Variants in DOCK1 observed in about 807,000 individuals in gnomAD.
DOCK1 encodes dedicator of cytokinesis protein 1.
A neutral mutation model predicts 262.7 loss-of-function variants in DOCK1; 138 were observed. The ratio of observed to expected loss-of-function variants is 0.53; its 90% CI spans 0.46 to 0.61. The LOEUF (loss-of-function observed/expected upper bound fraction) is 0.61, where lower values mean the gene tolerates loss of function less well. Among genes scored for constraint, DOCK1 ranks in the 20% least tolerant of loss-of-function variants. The pLI is 0.00. For synonymous variants in DOCK1, 866 were observed against 867.4 expected, an observed-to-expected ratio of 1.00 and a Z score of 0.03; for missense variants, 1,908 against 2,370.7, an observed-to-expected ratio of 0.80 and a Z score of 4.05.
intron 27 of DOCK1, among the ~76,000 whole-genome samples, chr10:127,208,054 A>G (rs1047692644): frequency 5.9e-5 from 9 of 152,230 alleles, no homozygotes; most frequent in Non-Finnish European, 1.3e-4. Flanking sequence ...AGAGCAGTAT[A>G]TCCTATCAAG....
chr10:127,201,252 T>G (rs1445943326), intron 27 of DOCK1, among the ~76,000 whole-genome samples: 1 of 152,192 alleles, frequency 6.6e-6, no homozygotes, highest in Non-Finnish European at 1.5e-5. Flanking sequence ...ACTCTCCTCT[T>G]TCTGGGCTTA....
At chr10:126,976,191 G>A (rs1438124485) in intron 2 of DOCK1, among the ~76,000 whole-genome samples, 2 of 152,106 alleles carry the variant, frequency 1.3e-5, no homozygotes, top group Admixed American at 6.6e-5. Context: ...ATAGATGGGC[G>A]CTGATACTGG....
At chr10:127,312,696 A>C (rs534497702) in intron 29 of DOCK1, among the ~76,000 whole-genome samples, 1 of 151,538 alleles carries the variant, frequency 6.6e-6, no homozygotes, top group African/African-American at 2.4e-5. Flanking sequence ...TCCCTCCTCT[A>C]TTTACCAAAA....
At chr10:127,173,554 T>C (rs1051262063) in intron 27 of DOCK1, among the ~76,000 whole-genome samples, 3 of 152,226 alleles carry the variant, frequency 2.0e-5, no homozygotes, top group Non-Finnish European at 2.9e-5. Flanking sequence ...GTATGCACAT[T>C]AGTGTACATA....
At chr10:126,911,320 G>A (rs1425840380) in intron 1 of DOCK1, among the ~76,000 whole-genome samples, 5 of 152,172 alleles carry the variant, frequency 3.3e-5, no homozygotes, top group South Asian at 2.1e-4. Flanking sequence ...GTGCTGCTGC[G>A]GTACAGGAGA....
chr10:126,960,745 T>TATATATATATATATATATATACAC (rs1429186588), intron 1 of DOCK1, among the ~76,000 whole-genome samples: 5 of 115,490 alleles, frequency 4.3e-5, no homozygotes, highest in Non-Finnish European at 7.1e-5. Flanking sequence ...TATATATATA[T>TATATATATATATATATATATACAC]ACACACACAC....
Position 127,221,094 on chromosome 10 carries a change from G to GT in DOCK1, c.2848-26913dup, listed in dbSNP as rs746329095. The stretch of plus-strand genomic sequence containing the variant: ...GTTTAATATACATAAACAAAAAAGT[G>GT]TAACTGGAAGCTATGGTATTTTATT... On this transcript the variant is annotated intron_variant, in intron 27 of 51. Transcript: ENST00000623213. 2.6e-5 allele frequency among the ~76,000 whole-genome samples: 4 copies of GT among 152,200 alleles called. No homozygotes were observed. The East Asian group carries it at 7.7e-4, about 29-fold the overall frequency.
chr10:127,250,319 A>G (rs572885560), intron 28 of DOCK1, among the ~76,000 whole-genome samples: 8 of 152,364 alleles, frequency 5.3e-5, no homozygotes, highest in African/African-American at 1.9e-4. Flanking sequence ...ATGATGCCGA[A>G]TGGCATTTAA....
chr10:127,153,745 G>T, intron 27 of DOCK1: 2 of 837,836 alleles, frequency 2.4e-6, no homozygotes, highest in Admixed American at 2.2e-5. Flanking sequence ...TTCACTTTTT[G>T]TCTGATAGAA....
intron 48 of DOCK1, among the ~76,000 whole-genome samples, chr10:127,434,715 C>T (rs1470275876): frequency 1.3e-5 from 2 of 151,242 alleles, no homozygotes. Context: ...TGCAGTGGCA[C>T]GATCTCGGCT....
At chr10:127,143,149 C>T (rs1010555961) in intron 27 of DOCK1, among the ~76,000 whole-genome samples, 7 of 152,214 alleles carry the variant, frequency 4.6e-5, no homozygotes, top group African/African-American at 1.7e-4. Context: ...GTCACTGAAT[C>T]CTCAAGATAA....
intron 27 of DOCK1, among the ~76,000 whole-genome samples, chr10:127,180,014 G>A (rs1165918721): frequency 1.3e-5 from 2 of 152,214 alleles, no homozygotes; most frequent in African/African-American, 4.8e-5. Context: ...CTTGCTCAGA[G>A]TGAGGAGGCT....
intron 29 of DOCK1, among the ~76,000 whole-genome samples, chr10:127,293,786 G>T (rs1032675522): frequency 4.1e-4 from 63 of 152,210 alleles, no homozygotes; most frequent in African/African-American, 1.5e-3. Context: ...CTGTGTATTT[G>T]TGGGATGCTT....
chr10:127,134,664 C>T (rs995352200), intron 27 of DOCK1, among the ~76,000 whole-genome samples: 1 of 152,160 alleles, frequency 6.6e-6, no homozygotes, highest in African/African-American at 2.4e-5. Flanking sequence ...ACAGAACCCT[C>T]CCTCTGTCTG....
At chr10:127,079,704 G>A (rs2046788656) in intron 23 of DOCK1, among the ~76,000 whole-genome samples, 1 of 152,190 alleles carries the variant, frequency 6.6e-6, no homozygotes, top group Non-Finnish European at 1.5e-5. Flanking sequence ...GCCGAGGAGG[G>A]CGGATCACCT....
intron 33 of DOCK1, among the ~76,000 whole-genome samples, chr10:127,362,942 CACACATACACATGTGCAT>C (rs2064631309): frequency 6.9e-6 from 1 of 144,266 alleles, no homozygotes; most frequent in Admixed American, 6.8e-5. Context: ...CATCCCCCCA[CACACATACACATGTGCAT>C]CCCCACATAC....
At chr10:127,356,807 G>C (rs556059614) in intron 32 of DOCK1, among the ~76,000 whole-genome samples, 9 of 152,306 alleles carry the variant, frequency 5.9e-5, no homozygotes, top group African/African-American at 2.2e-4. Flanking sequence ...GGCTCTCTCT[G>C]AGGCCATCTT....
chr10:127,274,948 C>G (rs61870264), intron 29 of DOCK1, among the ~76,000 whole-genome samples: 5,096 of 152,214 alleles, frequency 0.033, 146 homozygotes, highest in African/African-American at 0.076. Context: ...AATTTCACCC[C>G]CTTAGTGGAG....
At chr10:127,101,014 T>C (rs762012828) in intron 23 of DOCK1, among the ~76,000 whole-genome samples, 1 of 151,844 alleles carries the variant, frequency 6.6e-6, no homozygotes, top group Non-Finnish European at 1.5e-5. Flanking sequence ...CTGAAGGCTC[T>C]GAGGAGAGAG....
Sources: gnomAD v4.1 joint callset for allele counts (sites outside exome capture counted in the v4.1 genomes callset) on GRCh38, gnomAD v4.1.1 for gene constraint, MANE v1.5 for transcripts, NCBI Gene and HGNC (gene_info 2026-07-23, HGNC 2026-07-21) for gene names.